STK33: variants seen among roughly 807,000 people sequenced by gnomAD.
The protein encoded by STK33 is serine/threonine-protein kinase 33.
In STK33, 52 loss-of-function variants were observed where a neutral mutation model predicts 58.0. The observed-to-expected ratio is 0.90, with a 90% CI of 0.72 to 1.13. The LOEUF is 1.13. Ranked by LOEUF, STK33 falls within the 50% of genes most tolerant of loss-of-function variation. The probability of loss-of-function intolerance (pLI) is 0.00; values close to 1 mark genes in which losing one functional copy is unlikely to be tolerated. For synonymous variants in STK33, 215 were observed against 200.1 expected (o/e 1.07, Z -0.63); for missense variants, 630 against 604.2 (o/e 1.04, Z -0.45).
chr11:8,581,159 A>G (rs2030139778), intron 1 of STK33, among the ~76,000 whole-genome samples: 1 of 151,986 alleles, frequency 6.6e-6, no homozygotes, highest in Non-Finnish European at 1.5e-5. Flanking sequence ...CCTCACCTTG[A>G]GCCAAACCTT....
chr11:8,417,836 C>T (rs1590888046), intron 14 of STK33, among the ~76,000 whole-genome samples: 1 of 152,122 alleles, frequency 6.6e-6, no homozygotes, highest in Non-Finnish European at 1.5e-5. Flanking sequence ...AACAAGCACT[C>T]TCACTTACTT....
intron 11 of STK33, among the ~76,000 whole-genome samples, chr11:8,446,524 A>G (rs903663696): frequency 5.9e-5 from 9 of 152,102 alleles, no homozygotes; most frequent in African/African-American, 2.2e-4. Context: ...ATCCTAAGCA[A>G]AAAGAACAAA....
At chr11:8,461,488 G>C (rs749005688) in intron 8 of STK33, among the ~76,000 whole-genome samples, 1 of 152,100 alleles carries the variant, frequency 6.6e-6, no homozygotes, top group Admixed American at 6.6e-5. Flanking sequence ...GAGAAACTAA[G>C]GATCAAAGCA....
At chr11:8,587,006 C>T (rs926387283) in intron 1 of STK33, among the ~76,000 whole-genome samples, 1 of 152,100 alleles carries the variant, frequency 6.6e-6, no homozygotes, top group Non-Finnish European at 1.5e-5. Flanking sequence ...GTGGCAACTG[C>T]ATGCCAGGCT....
chr11:8,543,987 T>C (rs1955716131), intron 1 of STK33, among the ~76,000 whole-genome samples: 1 of 152,178 alleles, frequency 6.6e-6, no homozygotes, highest in African/African-American at 2.4e-5. Context: ...CAATTGCCAG[T>C]TCAAAATAAT....
At chr11:8,423,400 C>T (rs1402835189) in intron 14 of STK33, among the ~76,000 whole-genome samples, 1 of 151,946 alleles carries the variant, frequency 6.6e-6, no homozygotes, top group Non-Finnish European at 1.5e-5. Flanking sequence ...TACATGTTTG[C>T]TGTATCCTCC....
chr11:8,549,944 C>T (rs12422205), intron 1 of STK33, among the ~76,000 whole-genome samples: 2,399 of 152,026 alleles, frequency 0.016, 19 homozygotes, highest in East Asian at 0.045. Context: ...TTTTTTAAGT[C>T]AGCTTATCTT....
chr11:8,541,601 A>G lies in STK33; in HGVS notation c.-466+52482T>C, dbSNP rs887740912. Among the ~76,000 whole-genome samples, 7 of 152,316 alleles carry G rather than the reference A, an allele frequency of 4.6e-5. No homozygotes were observed. The South Asian group carries it at 8.3e-4, about 18-fold the overall frequency. On this transcript the variant is annotated intron_variant, in intron 1 of 15. Coordinates refer to ENST00000687296, the MANE Select transcript of STK33 (RefSeq NM_001352389.2). ...CCAGTGCATAAAGTATGTTCCATAC[A>G]TATCTTTATATCACTATATATTTTG... is the stretch of plus-strand genomic sequence containing the variant.
At chr11:8,528,091 T>C (rs565323357) in intron 1 of STK33, among the ~76,000 whole-genome samples, 2 of 152,294 alleles carry the variant, frequency 1.3e-5, no homozygotes, top group South Asian at 2.1e-4. Flanking sequence ...TTTGTTAGTA[T>C]TGAGAAAGAA....
At chr11:8,452,287 C>T (rs1327171098) in intron 11 of STK33, among the ~76,000 whole-genome samples, 1 of 152,044 alleles carries the variant, frequency 6.6e-6, no homozygotes, top group Non-Finnish European at 1.5e-5. Flanking sequence ...GTATGATTAC[C>T]TAAGAGATAT....
intron 15 of STK33, among the ~76,000 whole-genome samples, chr11:8,404,964 C>G (rs550204255): frequency 6.6e-6 from 1 of 152,098 alleles, no homozygotes; most frequent in Non-Finnish European, 1.5e-5. Context: ...CACAGTAAAA[C>G]CCCATCTCTA....
At chr11:8,557,475 A>T (rs1956845150) in intron 1 of STK33, among the ~76,000 whole-genome samples, 1 of 152,102 alleles carries the variant, frequency 6.6e-6, no homozygotes, top group Admixed American at 6.6e-5. Flanking sequence ...ACCTGTACTT[A>T]CACAAGGAAA....
At chr11:8,399,674 C>T (rs1450215430) in intron 15 of STK33, among the ~76,000 whole-genome samples, 2 of 152,110 alleles carry the variant, frequency 1.3e-5, no homozygotes, top group Admixed American at 6.5e-5. Flanking sequence ...ATCAATGAAT[C>T]CAGGAGCTGG....
chr11:8,397,751 C>G (rs1031635030), intron 15 of STK33, among the ~76,000 whole-genome samples: 1 of 151,994 alleles, frequency 6.6e-6, no homozygotes, highest in Admixed American at 6.6e-5. Flanking sequence ...ATAACCAATG[C>G]ACAGAAGTCG....
At chr11:8,510,542 T>C (rs189586632) in intron 1 of STK33, among the ~76,000 whole-genome samples, 1 of 152,338 alleles carries the variant, frequency 6.6e-6, no homozygotes, top group Admixed American at 6.5e-5. Flanking sequence ...CTCGTTGCGT[T>C]TGCTTTTGGG....
the STK33 span, among the ~76,000 whole-genome samples, chr11:8,370,721 G>A: frequency 1.2e-5 from 1 of 86,924 alleles, no homozygotes; most frequent in African/African-American, 4.8e-5. Flanking sequence ...GTAGCTCCTG[G>A]GGGCTGGAGG....
chr11:8,587,587 T>TAAA (rs11312849), intron 1 of STK33, among the ~76,000 whole-genome samples: 2 of 141,632 alleles, frequency 1.4e-5, no homozygotes, highest in African/African-American at 5.2e-5. Flanking sequence ...CAATGGAAGG[T>TAAA]AAAAAAAAAA....
chr11:8,508,152 G>A (rs1359862351), intron 1 of STK33, among the ~76,000 whole-genome samples: 1 of 151,632 alleles, frequency 6.6e-6, no homozygotes, highest in African/African-American at 2.4e-5. Flanking sequence ...TGGCCTCCTA[G>A]AGTGCTGGGA....
the STK33 span, among the ~76,000 whole-genome samples, chr11:8,372,286 G>A: frequency 0.049 from 7,449 of 152,230 alleles, 246 homozygotes; most frequent in Non-Finnish European, 0.07. Context: ...TCGGGCCCTT[G>A]TAAGGCCTTA....
Sources: gnomAD v4.1 joint callset for allele counts (sites outside exome capture counted in the v4.1 genomes callset) on GRCh38, gnomAD v4.1.1 for gene constraint, MANE v1.5 for transcripts, NCBI Gene and HGNC (gene_info 2026-07-23, HGNC 2026-07-21) for gene names.